The following TRANK1 variants were observed in gnomAD, a reference collection of about 807,000 sequenced individuals.
TRANK1 encodes the protein tetratricopeptide repeat and ankyrin repeat containing 1.
In TRANK1, 198 loss-of-function variants were observed where a neutral mutation model predicts 266.0. That is an observed-to-expected ratio of 0.74 (90% CI 0.66 to 0.84). TRANK1 has a LOEUF of 0.84. TRANK1 is among the 40% of genes least tolerant of loss of function. TRANK1 has a pLI of 0.00. For synonymous variants in TRANK1, 1,396 were observed against 1,384.1 expected (o/e 1.01, Z -0.19); for missense variants, 3,326 against 3,634.6 (o/e 0.92, Z 2.18).
In TRANK1 at chr3:36,944,835, G is replaced by A; in HGVS notation, c.-26C>T. 1 of 1,456,702 alleles carries A rather than the reference G, an allele frequency of 6.9e-7. No individual in the cohort carries two copies. The highest frequency in any genetic ancestry group is 1.3e-5 in the South Asian group (1 of 75,672). The allele number at this position is 1,456,702 out of a possible 1,614,324, so 90.2% of individuals were successfully genotyped here. ...GGCTGCGGCCGGAGGGTCCGCACCAGGACCGCCGCCGCCTGGGGAAGCGCT... is the reference window on the plus strand; with the variant it reads ...GGCTGCGGCCGGAGGGTCCGCACCAAGACCGCCGCCGCCTGGGGAAGCGCT... On this transcript the variant is annotated 5_prime_UTR_variant, in exon 1 of 24. Transcript: ENST00000645898.
Position 36,857,074 on chromosome 3 carries a change from T to G in TRANK1, c.2648A>C (p.Lys883Thr). The G allele has an allele frequency of 6.2e-7, 1 of 1,614,054 alleles. No individual in the cohort carries two copies. The highest frequency in any genetic ancestry group is 8.5e-7 in the Non-Finnish European group (1 of 1,179,886). ...QGLQKRLKHLKGSIQLFEAKL... is the reference protein window; with the variant it reads ...QGLQKRLKHLTGSIQLFEAKL... ...AGCTTCGAAGAGCTGGATGCTTCCT[T>G]TCAGGTGCTTCAGTCGCTTCTGCAG... The change falls in exon 13 of 24, where the codon AAA becomes ACA. Residue 883 changes from lysine (K) to threonine (T), a missense_variant. Lys to Thr is a moderately conservative substitution (Grantham distance 78, BLOSUM62 -1). Coordinates refer to ENST00000645898, the MANE Select transcript of TRANK1 (RefSeq NM_001329998.2). This position sits in a 1 kb window ranked among gnomAD's most constrained non-coding sequence, Gnocchi z 4.3.
chr3:36,867,842 T>C lies in TRANK1; in HGVS notation c.1079-3362A>G, dbSNP rs561952758. Among the ~76,000 whole-genome samples the C allele has an allele frequency of 4.6e-5, 7 of 152,384 alleles. No homozygotes were observed. The East Asian group carries it at 9.6e-4, about 21-fold the overall frequency. ...CATTCCTTTCAACAGAATTTCATTA[T>C]AACATCGATGAGAAAACAAATTTGG... On this transcript the variant is annotated intron_variant, in intron 9 of 23. Transcript: ENST00000645898.
At position 36,874,215 on chromosome 3, in the gene TRANK1, T is replaced by C; in HGVS notation, c.989A>G (p.Asp330Gly). The C allele has an allele frequency of 1.3e-6, 2 of 1,537,222 alleles. No homozygotes were observed. Among genetic ancestry groups the C allele is most frequent in the Non-Finnish European group, 1.7e-6 (2 of 1,146,888 alleles). ...GAAGTTCTTATTCCTCTTCAGGACA[T>C]CCACAACAGACCGAGACTGTCGATC... The part of the protein sequence containing the change: ...LLDRQSRSVV[D>G]VLKRNKNFKA... The change falls in exon 9 of 24, where the codon GAT becomes GGT. Residue 330 changes from aspartate to glycine, a missense_variant. Transcript: ENST00000645898.
At position 36,830,928 on chromosome 3, in the gene TRANK1, G is replaced by A. The variant is rs2078684193; in HGVS notation, c.8655C>T (p.Ile2885=). The change falls in exon 22 of 24, where the codon ATC becomes ATT. Residue 2885 remains isoleucine, a synonymous_variant. Transcript: ENST00000645898. The part of the protein sequence containing the change: ...SHMLQKVQEH[I]KRVSDMVEDL... Reference sequence around the variant, plus strand: ...CCTCCACCATATCCGAAACCCTCTTGATGTGCTCCTGGACCTTCTGCAGCA... The same window carrying A: ...CCTCCACCATATCCGAAACCCTCTTAATGTGCTCCTGGACCTTCTGCAGCA... The A allele has an allele frequency of 1.2e-6, 2 of 1,613,872 alleles. No homozygotes were observed. The highest frequency in any genetic ancestry group is 1.7e-6 in the Non-Finnish European group (2 of 1,179,826).
At position 36,832,183 on chromosome 3, in the gene TRANK1, A is replaced by G; in HGVS notation, c.7400T>C (p.Leu2467Pro). 1.2e-6 allele frequency: 2 copies of G among 1,614,022 alleles called. No homozygotes were observed. Among genetic ancestry groups the G allele is most frequent in the Non-Finnish European group, 1.7e-6 (2 of 1,179,890 alleles). The stretch of plus-strand genomic sequence containing the variant: ...AATGACATTCTTCCAGAGGCGGGCC[A>G]GCACCACCCCACAGTGGATGAACTG... ...EFQFIHCGVVLARLWKNVILC... is the reference protein window; with the variant it reads ...EFQFIHCGVVPARLWKNVILC... The change falls in exon 22 of 24, where the codon CTG (leucine) becomes CCG (proline). Residue 2467 changes from leucine to proline, a missense_variant. Physicochemically the swap from Leu to Pro is moderately conservative, Grantham distance 98. Coordinates refer to ENST00000645898, the MANE Select transcript of TRANK1 (RefSeq NM_001329998.2).
At chr3:36,885,985 G>T (rs1339288541) in intron 8 of TRANK1, among the ~76,000 whole-genome samples, 1 of 152,102 alleles carries the variant, frequency 6.6e-6, no homozygotes, top group Non-Finnish European at 1.5e-5. Context: ...TGATGAAAAA[G>T]AAGATGAAGA....
At chr3:36,914,356 A>T (rs1397005332) in intron 1 of TRANK1, among the ~76,000 whole-genome samples, 1 of 151,570 alleles carries the variant, frequency 6.6e-6, no homozygotes, top group African/African-American at 2.4e-5. Context: ...GCTGGTCTTG[A>T]ACTCCTGAGC....
chr3:36,943,517 A>C (rs1316307211), intron 1 of TRANK1, among the ~76,000 whole-genome samples: 1 of 132,466 alleles, frequency 7.5e-6, no homozygotes, highest in Non-Finnish European at 1.6e-5. Context: ...AAAGCCAACA[A>C]AGAGCATATG....
At chr3:36,880,899 C>T (rs2079522436) in intron 8 of TRANK1, among the ~76,000 whole-genome samples, 1 of 116,046 alleles carries the variant, frequency 8.6e-6, no homozygotes, top group Admixed American at 9.5e-5. Flanking sequence ...CCTCCCCCCA[C>T]CCCACAACAG....
chr3:36,838,173 A>AC (rs1241616955), intron 20 of TRANK1, among the ~76,000 whole-genome samples, 199 bp downstream of exon 20: 1 of 152,190 alleles, frequency 6.6e-6, no homozygotes, highest in Non-Finnish European at 1.5e-5. Flanking sequence ...ACACACACGC[A>AC]CATGCATACT....
At chr3:36,917,335 A>AT (rs1172315401) in intron 1 of TRANK1, among the ~76,000 whole-genome samples, 1 of 152,192 alleles carries the variant, frequency 6.6e-6, no homozygotes, top group Non-Finnish European at 1.5e-5. Flanking sequence ...TATATTCTAT[A>AT]TTTTTTTCAT....
At chr3:36,925,755 T>A (rs2125655713) in intron 1 of TRANK1, among the ~76,000 whole-genome samples, 2 of 152,272 alleles carry the variant, frequency 1.3e-5, no homozygotes, top group South Asian at 4.1e-4. Context: ...CACACCCAGC[T>A]AATTTTTGTA....
chr3:36,878,007 C>T (rs535746520), intron 8 of TRANK1, among the ~76,000 whole-genome samples: 1 of 151,490 alleles, frequency 6.6e-6, no homozygotes, highest in Non-Finnish European at 1.5e-5. Context: ...AAAAAACATG[C>T]GAGTCAATAG....
chr3:36,943,635 C>CTT (rs113837132), intron 1 of TRANK1, among the ~76,000 whole-genome samples: 1,532 of 145,696 alleles, frequency 0.011, 26 homozygotes, highest in African/African-American at 0.034. Flanking sequence ...CACCGTAGTA[C>CTT]TTTTTTTTTT....
intron 8 of TRANK1, among the ~76,000 whole-genome samples, chr3:36,888,515 T>C (rs899488015): frequency 6.6e-6 from 1 of 152,232 alleles, no homozygotes; most frequent in Non-Finnish European, 1.5e-5. Context: ...CAAAAATCCA[T>C]AGACCCCTTC....
rs751301390 is a variant in TRANK1 at position 36,857,090 on chromosome 3, G to A, written c.2632C>T (p.Arg878Ter). Reference sequence around the variant, plus strand: ...ATGCTTCCTTTCAGGTGCTTCAGTCGCTTCTGCAGGCCCTGGGTCCACTCG... The same window carrying A: ...ATGCTTCCTTTCAGGTGCTTCAGTCACTTCTGCAGGCCCTGGGTCCACTCG... Reference protein sequence around the residue: ...NGEWTQGLQKRLKHLKGSIQL... With the variant: ...NGEWTQGLQK The change falls in exon 13 of 24, where the codon CGA becomes TGA. Residue 878 changes from arginine to a stop codon, truncating the protein, a stop_gained. Transcript: ENST00000645898. LOFTEE classifies it high-confidence loss of function. This position sits in a 1 kb window ranked among gnomAD's most constrained non-coding sequence, Gnocchi z 4.3. The A allele has an allele frequency of 7.4e-6, 12 of 1,614,000 alleles. No homozygotes were observed. Among genetic ancestry groups the A allele is most frequent in the African/African-American group, 4.0e-5 (3 of 75,046 alleles).
intron 1 of TRANK1, among the ~76,000 whole-genome samples, chr3:36,938,279 C>CACAG (rs2080451165): frequency 6.6e-6 from 1 of 152,054 alleles, no homozygotes; most frequent in Non-Finnish European, 1.5e-5. Flanking sequence ...AGTGCAGTGG[C>CACAG]CTGGTCTCGG....
At chr3:36,904,299 G>C (rs1404940141) in intron 2 of TRANK1, among the ~76,000 whole-genome samples, 1 of 151,694 alleles carries the variant, frequency 6.6e-6, no homozygotes, top group Non-Finnish European at 1.5e-5. Context: ...GGGAGGCCGA[G>C]GCCGAGGCGA....
In TRANK1 at chr3:36,856,836, G is replaced by T; in HGVS notation, c.2886C>A (p.Tyr962Ter). ...ADSIKAICNA[Y>*]NRGLSCVLRK... ...GCAGGACACAGGACAAGCCCCGGTTGTAGGCATTGCAGATGGCCTTGATGG... is the reference window on the plus strand; with the variant it reads ...GCAGGACACAGGACAAGCCCCGGTTTTAGGCATTGCAGATGGCCTTGATGG... The change falls in exon 13 of 24, where the codon TAC becomes TAA. Residue 962 changes from tyrosine (Y) to a stop codon, truncating the protein, a stop_gained. Coordinates refer to ENST00000645898, the MANE Select transcript of TRANK1 (RefSeq NM_001329998.2). LOFTEE classifies it high-confidence loss of function. 6.2e-7 allele frequency: 1 copy of T among 1,614,060 alleles called. No homozygotes were observed. The highest frequency in any genetic ancestry group is 2.2e-5 in the East Asian group (1 of 44,888).
Sources: allele counts gnomAD v4.1 joint callset (sites outside exome capture counted in the v4.1 genomes callset), GRCh38; gene constraint gnomAD v4.1.1; non-coding constraint Gnocchi (gnomAD v3.1); transcripts MANE v1.5; gene names NCBI Gene and HGNC (gene_info 2026-07-23, HGNC 2026-07-21).